Variants in UNC5D observed in about 807,000 individuals in gnomAD.
UNC5D encodes the protein netrin receptor UNC5D.
UNC5D carries 39 observed loss-of-function variants against 105.4 expected under a neutral mutation model. The ratio of observed to expected loss-of-function variants is 0.37; its 90% CI spans 0.29 to 0.48. The LOEUF is 0.48. UNC5D is among the 20% of genes least tolerant of loss of function. The pLI is 0.98. For missense variants in UNC5D, 991 were observed against 1,202.4 expected (o/e 0.82, Z 2.60); for synonymous variants, 452 against 450.4 (o/e 1.00, Z -0.04).
chr8:35,754,923 A>C (rs1270443621), intron 13 of UNC5D, among the ~76,000 whole-genome samples: 1 of 152,218 alleles, frequency 6.6e-6, no homozygotes, highest in Non-Finnish European at 1.5e-5. Flanking sequence ...TATGTTTTTC[A>C]AAAATAAAAA....
intron 1 of UNC5D, among the ~76,000 whole-genome samples, chr8:35,383,136 G>A (rs547531113): frequency 3.9e-5 from 6 of 152,064 alleles, no homozygotes; most frequent in Non-Finnish European, 7.4e-5. Flanking sequence ...ATTTACTATC[G>A]CCCTGATTTT....
intron 8 of UNC5D, among the ~76,000 whole-genome samples, chr8:35,720,723 C>T (rs1441908418): frequency 3.3e-5 from 5 of 152,180 alleles, no homozygotes; most frequent in Non-Finnish European, 7.3e-5. Flanking sequence ...GTCTCTCTCA[C>T]ATTTGAATCA....
At chr8:35,305,601 C>CTTTCTTTCA (rs1808317265) in intron 1 of UNC5D, among the ~76,000 whole-genome samples, 4 of 145,544 alleles carry the variant, frequency 2.7e-5, no homozygotes, top group African/African-American at 1.0e-4. Flanking sequence ...TTCTTTCTTT[C>CTTTCTTTCA]TTTCTTTCTT....
At position 35,462,512 on chromosome 8, in the gene UNC5D, C is replaced by A. The variant is rs1320617687; in HGVS notation, c.104-86780C>A. On this transcript the variant is annotated intron_variant, in intron 1 of 16. Transcript: ENST00000404895. ...TAAACTTGAATCATAGAGATGATAT[C>A]TTAGATACTCTGCTGAATTCTCTTT... Among the ~76,000 whole-genome samples, 3 of 152,226 alleles carry A rather than the reference C, an allele frequency of 2.0e-5. 1 individual carries two copies. The highest frequency in any genetic ancestry group is 7.2e-5 in the African/African-American group (3 of 41,560).
chr8:35,284,295 C>T (rs1019632679), intron 1 of UNC5D, among the ~76,000 whole-genome samples: 2 of 152,148 alleles, frequency 1.3e-5, no homozygotes, highest in Non-Finnish European at 2.9e-5. Context: ...AAAAAGCCAT[C>T]TTTTAATTGA....
At chr8:35,668,620 TGTGA>T (rs375747963) in intron 4 of UNC5D, among the ~76,000 whole-genome samples, 217 of 152,278 alleles carry the variant, frequency 1.4e-3, no homozygotes, top group African/African-American at 5.1e-3. Flanking sequence ...GTTTTGCAGT[TGTGA>T]GTGAGTTAGA....
chr8:35,636,189 T>C (rs1228122029), intron 4 of UNC5D, among the ~76,000 whole-genome samples: 1 of 152,208 alleles, frequency 6.6e-6, no homozygotes. Context: ...TATAAATCAA[T>C]TTCATAGAGC....
chr8:35,564,128 T>G (rs1817158764), intron 2 of UNC5D, among the ~76,000 whole-genome samples: 1 of 151,394 alleles, frequency 6.6e-6, no homozygotes, highest in South Asian at 2.1e-4. Flanking sequence ...AGTAATGAGT[T>G]TGGAAGTATT....
intron 4 of UNC5D, among the ~76,000 whole-genome samples, chr8:35,673,621 A>AAGAT (rs1441663072): frequency 3.3e-5 from 5 of 152,212 alleles, no homozygotes; most frequent in African/African-American, 4.8e-5. Context: ...GGGATCAAAT[A>AAGAT]AGATAGTGTA....
intron 4 of UNC5D, among the ~76,000 whole-genome samples, chr8:35,625,686 C>T (rs1225038406): frequency 6.6e-6 from 1 of 152,238 alleles, no homozygotes; most frequent in African/African-American, 2.4e-5. Context: ...TTATTAAATG[C>T]GTGCAGTGTG....
intron 16 of UNC5D, among the ~76,000 whole-genome samples, chr8:35,782,986 T>A (rs932418724): frequency 7.2e-5 from 11 of 151,794 alleles, no homozygotes; most frequent in African/African-American, 1.5e-4. Flanking sequence ...AATAATTTTT[T>A]AAAAAAATTA....
chr8:35,714,222 C>T (rs1828123758), intron 8 of UNC5D, among the ~76,000 whole-genome samples: 1 of 152,124 alleles, frequency 6.6e-6, no homozygotes, highest in Admixed American at 6.6e-5. Context: ...TGATCTTGAG[C>T]CATGTCCCTG....
At chr8:35,419,006 G>C (rs1291857532) in intron 1 of UNC5D, among the ~76,000 whole-genome samples, 1 of 152,112 alleles carries the variant, frequency 6.6e-6, no homozygotes, top group African/African-American at 2.4e-5. Context: ...AAACTGTTAA[G>C]GTGCAATAGC....
chr8:35,538,949 G>A (rs935523589), intron 1 of UNC5D, among the ~76,000 whole-genome samples: 1 of 151,996 alleles, frequency 6.6e-6, no homozygotes, highest in Non-Finnish European at 1.5e-5. Flanking sequence ...AGGGACAACT[G>A]TACTAAAGAT....
chr8:35,352,427 GA>G, intron 1 of UNC5D, among the ~76,000 whole-genome samples: 1 of 152,044 alleles, frequency 6.6e-6, no homozygotes, highest in Non-Finnish European at 1.5e-5. Flanking sequence ...TAAGAGTAAA[GA>G]AAAAGCTACC....
At chr8:35,271,668 G>T (rs10216352) in intron 1 of UNC5D, among the ~76,000 whole-genome samples, 11,136 of 55,364 alleles carry the variant, frequency 0.2, 903 homozygotes, top group East Asian at 0.57. Context: ...TATTTATACA[G>T]GTATACATAT....
rs146497728 is a variant in UNC5D, at chr8:35,649,218, G to A, written c.571-34329G>A. On this transcript the variant is annotated intron_variant, in intron 4 of 16. Coordinates refer to ENST00000404895, the MANE Select transcript of UNC5D (RefSeq NM_080872.4). ...GGAACTATTATATGGACTAGGCAAG[G>A]GAAGTTGCGTACCTTCAACTCAGAC... is the stretch of plus-strand genomic sequence containing the variant. Among the ~76,000 whole-genome samples, 12 of 152,252 alleles carry A rather than the reference G, an allele frequency of 7.9e-5. No individual in the cohort carries two copies. In the East Asian group the frequency reaches 2.3e-3, roughly 29 times the overall value.
chr8:35,544,323 G>T, intron 1 of UNC5D: 1 of 1,474,488 alleles, frequency 6.8e-7, no homozygotes, highest in Non-Finnish European at 9.1e-7. Context: ...CTTTGTGTAA[G>T]AAGGAAGATG....
At chr8:35,305,592 T>TCTTTC (rs1808301591) in intron 1 of UNC5D, among the ~76,000 whole-genome samples, 1 of 59,972 alleles carries the variant, frequency 1.7e-5, no homozygotes, top group African/African-American at 8.9e-5. Context: ...TTTCTTTCTT[T>TCTTTC]CTTTCTTTCT....
Sources: allele counts gnomAD v4.1 joint callset (sites outside exome capture counted in the v4.1 genomes callset), GRCh38; gene constraint gnomAD v4.1.1; transcripts MANE v1.5; gene names NCBI Gene and HGNC (gene_info 2026-07-23, HGNC 2026-07-21).